Variants in KCNH8 observed in about 807,000 individuals in gnomAD.
KCNH8 encodes potassium voltage-gated channel subfamily H member 8, also known as voltage-gated delayed rectifier potassium channel KCNH8.
Under a neutral mutation model 103.6 loss-of-function variants are expected in KCNH8, and 70 were observed. The ratio of observed to expected loss-of-function variants is 0.68; its 90% confidence interval spans 0.56 to 0.82. The LOEUF (loss-of-function observed/expected upper bound fraction) is 0.82, where lower values mean the gene tolerates loss of function less well. Among genes scored for constraint, KCNH8 ranks in the 40% least tolerant of loss-of-function variants. The pLI is 0.00. For synonymous variants in KCNH8, 498 were observed against 489.4 expected (o/e 1.02, Z -0.23); for missense variants, 1,217 against 1,329.9 (o/e 0.92, Z 1.32).
intron 11 of KCNH8, among the ~76,000 whole-genome samples, chr3:19,504,086 TG>T (rs2068646047): frequency 1.3e-5 from 2 of 152,098 alleles, no homozygotes; most frequent in Admixed American, 6.5e-5. Flanking sequence ...AAACCAGCAA[TG>T]GGGAAAGGAC....
intron 11 of KCNH8, among the ~76,000 whole-genome samples, chr3:19,460,875 C>A (rs1260973953): frequency 6.6e-6 from 1 of 152,110 alleles, no homozygotes; most frequent in Admixed American, 6.6e-5. Context: ...CTTCCCCTTT[C>A]ACTGGACACT....
intron 1 of KCNH8, among the ~76,000 whole-genome samples, chr3:19,229,892 T>C (rs1559432779): frequency 6.6e-6 from 1 of 152,136 alleles, no homozygotes; most frequent in Non-Finnish European, 1.5e-5. Flanking sequence ...AATGCCCCAC[T>C]CTACTGGTAC....
At position 19,197,762 on chromosome 3, in the gene KCNH8, T is replaced by C. The variant is rs74847216; in HGVS notation, c.76+48967T>C. On this transcript the variant is annotated intron_variant, in intron 1 of 15. Transcript: ENST00000328405. ...AATACATGTCGAGTCCTTACAGATA[T>C]ATTTGCTTCAAAGTTGTATAAAATT... Among the ~76,000 whole-genome samples the C allele has an allele frequency of 6.6e-5, 10 of 152,234 alleles. No individual in the cohort carries two copies. In the East Asian group the frequency reaches 1.2e-3, roughly 18 times the overall value.
chr3:19,373,190 C>G (rs2066130105), intron 5 of KCNH8, among the ~76,000 whole-genome samples: 1 of 152,012 alleles, frequency 6.6e-6, no homozygotes. Flanking sequence ...GGAATGGTAC[C>G]AGCTCCTCCT....
At chr3:19,278,051 A>G (rs925975059) in intron 2 of KCNH8, among the ~76,000 whole-genome samples, 11 of 152,134 alleles carry the variant, frequency 7.2e-5, no homozygotes, top group Non-Finnish European at 1.3e-4. Context: ...AGAGTTGATC[A>G]TTGTGCCCAC....
At chr3:19,451,437 T>G (rs1336065488) in intron 10 of KCNH8, 33 bp downstream of exon 10, 2 of 1,603,360 alleles carry the variant, frequency 1.2e-6, no homozygotes, top group East Asian at 4.5e-5. Context: ...GTATGAAATT[T>G]GACTCTGGAG....
chr3:19,387,155 T>G (rs1385103089), intron 5 of KCNH8, among the ~76,000 whole-genome samples: 2 of 152,144 alleles, frequency 1.3e-5, no homozygotes, highest in African/African-American at 4.8e-5. Flanking sequence ...ACTTCCAGAA[T>G]CAAAGACAGT....
At chr3:19,260,703 T>C (rs1314058063) in intron 2 of KCNH8, among the ~76,000 whole-genome samples, 3 of 148,576 alleles carry the variant, frequency 2.0e-5, no homozygotes, top group Non-Finnish European at 4.5e-5. Flanking sequence ...ATCTTTCAAC[T>C]TGTTCATGCT....
chr3:19,153,635 C>CTTTTTTTTTTTTTTTTTTTTTTTTTTT (rs773828081), intron 1 of KCNH8, among the ~76,000 whole-genome samples: 2 of 128,912 alleles, frequency 1.6e-5, no homozygotes, highest in Non-Finnish European at 3.3e-5. Flanking sequence ...TTTCTTTTTT[C>CTTTTTTTTTTTTTTTTTTTTTTTTTTT]TTTTTTTTTT....
In KCNH8 at chr3:19,451,280, C is replaced by G; in HGVS notation, c.1701C>G (p.Ile567Met). Residue 567 changes from isoleucine (I) to methionine (M), a missense_variant, in exon 10 of 16, where the codon ATC becomes ATG. Ile to Met is a conservative substitution (Grantham distance 10, BLOSUM62 1). Transcript: ENST00000328405. The part of the protein sequence containing the change: ...RGCLRSLSLH[I>M]KTSFCAPGEY... ...GCCTCAGGTCTCTGTCTCTACACAT[C>G]AAAACCTCTTTCTGTGCTCCGGGGG... 6.2e-7 allele frequency: 1 copy of G among 1,613,982 alleles called. No homozygotes were observed. Among genetic ancestry groups the G allele is most frequent in the East Asian group, 2.2e-5 (1 of 44,866 alleles).
At chr3:19,389,872 C>A (rs931030989) in intron 5 of KCNH8, among the ~76,000 whole-genome samples, 13 of 152,024 alleles carry the variant, frequency 8.6e-5, no homozygotes, top group Non-Finnish European at 1.6e-4. Flanking sequence ...TCGGGCAATT[C>A]TTTTGCTTCG....
In KCNH8 at chr3:19,246,067, T is replaced by A. The variant is rs1214021636; in HGVS notation, c.77-7587T>A. 2.0e-5 allele frequency among the ~76,000 whole-genome samples: 3 copies of A among 152,268 alleles called. No homozygotes were observed. The East Asian group carries it at 5.8e-4, about 29-fold the overall frequency. On this transcript the variant is annotated intron_variant, in intron 1 of 15. Coordinates refer to ENST00000328405, the MANE Select transcript of KCNH8 (RefSeq NM_144633.3). ...AAATTTACAAAATTTATTGATGATT[T>A]TGCTAATTCTAAATTATGAAAGTAT...
At chr3:19,279,662 A>T (rs1167947243) in intron 2 of KCNH8, among the ~76,000 whole-genome samples, 1 of 152,112 alleles carries the variant, frequency 6.6e-6, no homozygotes, top group Non-Finnish European at 1.5e-5. Flanking sequence ...TGTGTAACTT[A>T]TGAGAGCAGC....
At chr3:19,467,119 T>C (rs1295041715) in intron 11 of KCNH8, among the ~76,000 whole-genome samples, 3 of 152,170 alleles carry the variant, frequency 2.0e-5, no homozygotes, top group Non-Finnish European at 2.9e-5. Context: ...AGTAACTTTA[T>C]TGTAGTGGTT....
intron 10 of KCNH8, among the ~76,000 whole-genome samples, chr3:19,451,933 C>G (rs1316526358): frequency 6.6e-6 from 1 of 152,066 alleles, no homozygotes; most frequent in Non-Finnish European, 1.5e-5. Flanking sequence ...TTAAAGAAAA[C>G]TTACAAGATA....
chr3:19,321,051 T>A (rs965250965), intron 3 of KCNH8, among the ~76,000 whole-genome samples: 1 of 152,078 alleles, frequency 6.6e-6, no homozygotes, highest in African/African-American at 2.4e-5. Context: ...TGTTTCTAAT[T>A]GAGCTTATTT....
At chr3:19,260,258 C>T (rs931087412) in intron 2 of KCNH8, among the ~76,000 whole-genome samples, 19 of 150,444 alleles carry the variant, frequency 1.3e-4, no homozygotes, top group Non-Finnish European at 1.5e-5. Context: ...TTATTCATAC[C>T]ACTATTTGGG....
chr3:19,237,427 G>A (rs1382287757), intron 1 of KCNH8, among the ~76,000 whole-genome samples: 1 of 152,140 alleles, frequency 6.6e-6, no homozygotes, highest in East Asian at 1.9e-4. Context: ...AAATGTTTGT[G>A]GCAGCCCTGG....
intron 7 of KCNH8, among the ~76,000 whole-genome samples, chr3:19,432,428 A>C (rs929255110): frequency 2.6e-5 from 4 of 152,194 alleles, no homozygotes; most frequent in Non-Finnish European, 5.9e-5. Flanking sequence ...ACTTTGAGAA[A>C]AAAGAGAGGA....
Sources: gnomAD v4.1 joint callset for allele counts (sites outside exome capture counted in the v4.1 genomes callset) on GRCh38, gnomAD v4.1.1 for gene constraint, MANE v1.5 for transcripts, NCBI Gene and HGNC (gene_info 2026-07-23, HGNC 2026-07-21) for gene names.